The following CELF2 variants were observed in gnomAD, a reference collection of about 807,000 sequenced individuals.
CELF2 encodes CUGBP Elav-like family member 2.
CELF2 carries 8 observed loss-of-function variants against 62.6 expected under a neutral mutation model. The observed-to-expected ratio is 0.13, with a 90% CI of 0.07 to 0.23. CELF2 has a LOEUF of 0.23. Ranked by LOEUF, CELF2 falls within the 10% of genes least tolerant of loss-of-function variation. The probability of loss-of-function intolerance (pLI) is 1.00; values close to 1 mark genes in which losing one functional copy is unlikely to be tolerated. For missense variants in CELF2, 333 were observed against 671.0 expected (o/e 0.50, Z 5.56); for synonymous variants, 258 against 250.0 (o/e 1.03, Z -0.30).
chr10:10,573,553 A>C, the CELF2 span, among the ~76,000 whole-genome samples: 1 of 152,186 alleles, frequency 6.6e-6, no homozygotes, highest in African/African-American at 2.4e-5. Context: ...TCTTTTTCTC[A>C]AGAAGTTTCC....
Position 11,242,967 on chromosome 10 carries a change from A to T in CELF2, c.355-6186A>T, listed in dbSNP as rs2074428593. On this transcript the variant is annotated intron_variant, in intron 3 of 12. Coordinates refer to ENST00000633077, the MANE Select transcript of CELF2 (RefSeq NM_001326342.2). This position sits in a 1 kb window ranked among gnomAD's most constrained non-coding sequence, Gnocchi z 4.8. The stretch of plus-strand genomic sequence containing the variant: ...ACTGGTGCTGGGTCAGAACCAAACC[A>T]CTGCGTGCTGTCGTGGGTGCAGAAG... Among the ~76,000 whole-genome samples, 1 of 152,168 alleles carries T rather than the reference A, an allele frequency of 6.6e-6. No homozygotes were observed. The highest frequency in any genetic ancestry group is 2.4e-5 in the African/African-American group (1 of 41,426).
At chr10:11,304,504 T>C (rs1184932248) in intron 9 of CELF2, among the ~76,000 whole-genome samples, 1 of 152,222 alleles carries the variant, frequency 6.6e-6, no homozygotes, top group African/African-American at 2.4e-5. Flanking sequence ...GTGCATCTGG[T>C]GAGGGCCTTC....
At chr10:11,263,255 A>G (rs2081254702) in intron 5 of CELF2, among the ~76,000 whole-genome samples, 1 of 152,062 alleles carries the variant, frequency 6.6e-6, no homozygotes, top group Non-Finnish European at 1.5e-5. Flanking sequence ...AATTCGTAAC[A>G]TTCTGAAAGT....
rs1414029691 is a variant in CELF2 at position 11,197,037 on chromosome 10, G to GA, written c.272-20385dup. Among the ~76,000 whole-genome samples, 7 of 25,082 alleles carry GA rather than the reference G, an allele frequency of 2.8e-4. 3 individuals are homozygous for GA. The highest frequency in any genetic ancestry group is 9.0e-4 in the African/African-American group (3 of 3,316). 16.5% of individuals were successfully genotyped at this position (25,082 alleles called of 152,430 possible). ...GAAAGAAAGAAAGAAAAGAAAGAAA[G>GA]AAAGAAAGAAAGAAAGAAAGAAAAG... On this transcript the variant is annotated intron_variant, in intron 2 of 12. Coordinates refer to ENST00000633077, the MANE Select transcript of CELF2 (RefSeq NM_001326342.2).
the CELF2 span, among the ~76,000 whole-genome samples, chr10:10,790,336 G>T: frequency 1.3e-5 from 2 of 151,958 alleles, no homozygotes; most frequent in Non-Finnish European, 2.9e-5. Context: ...TTTACCCCTT[G>T]GGAATGTCTC....
Position 10,994,933 on chromosome 10 carries a change from A to G in CELF2, c.89+74934A>G, listed in dbSNP as rs143156986. Among the ~76,000 whole-genome samples the G allele has an allele frequency of 5.3e-5, 8 of 152,046 alleles. No individual in the cohort carries two copies. In the East Asian group the frequency reaches 1.5e-3, roughly 29 times the overall value. On this transcript the variant is annotated intron_variant, in intron 2 of 13. Coordinates refer to the CELF2 transcript ENST00000636488. The stretch of plus-strand genomic sequence containing the variant: ...CAGGGCTATCTCACACTTTCCCTCC[A>G]TGTCCTACCCCAGTGAAGGCACACC...
At chr10:10,485,287 G>C in the CELF2 span, among the ~76,000 whole-genome samples, 1 of 152,172 alleles carries the variant, frequency 6.6e-6, no homozygotes, top group Non-Finnish European at 1.5e-5. Flanking sequence ...ATCGTCCAGA[G>C]GTGACAGGTG....
chr10:10,790,896 G>A, the CELF2 span, among the ~76,000 whole-genome samples: 1 of 152,170 alleles, frequency 6.6e-6, no homozygotes, highest in East Asian at 1.9e-4. Context: ...GGACTCTCAA[G>A]CTAGATCACC....
At chr10:10,702,935 AT>A in the CELF2 span, among the ~76,000 whole-genome samples, 11 of 152,046 alleles carry the variant, frequency 7.2e-5, no homozygotes, top group Non-Finnish European at 1.3e-4. Context: ...TTTATCTAAG[AT>A]TTTTCCCCCT....
chr10:10,804,172 A>G (rs567570575), intron 1 of CELF2, among the ~76,000 whole-genome samples: 22 of 152,344 alleles, frequency 1.4e-4, no homozygotes, highest in African/African-American at 5.3e-4. Flanking sequence ...GATGTTGACA[A>G]ATTTCTTCAT....
rs1301982564 is a variant in CELF2, at chr10:11,012,441, C to G, written c.53+7001C>G. Among the ~76,000 whole-genome samples the G allele has an allele frequency of 6.6e-6, 1 of 152,182 alleles. No individual in the cohort carries two copies. Among genetic ancestry groups the G allele is most frequent in the Non-Finnish European group, 1.5e-5 (1 of 68,034 alleles). ...ATTCAGGCACATGGGCTGTCATGCC[C>G]AGAGAGATTCCCTCTGAAGTAGAGA... On this transcript the variant is annotated intron_variant, in intron 1 of 12. Coordinates refer to the CELF2 transcript ENST00000416382. This position sits in a 1 kb window ranked among gnomAD's most constrained non-coding sequence, Gnocchi z 5.5.
intron 1 of CELF2, among the ~76,000 whole-genome samples, chr10:10,900,360 G>A (rs1456495746): frequency 6.6e-6 from 1 of 152,168 alleles, no homozygotes; most frequent in Non-Finnish European, 1.5e-5. Context: ...ACAATTTATA[G>A]AAAGTGACAT....
chr10:10,790,069 T>C, the CELF2 span, among the ~76,000 whole-genome samples: 2 of 152,000 alleles, frequency 1.3e-5, no homozygotes, highest in Non-Finnish European at 2.9e-5. Flanking sequence ...TATTTAACTT[T>C]TCTGTCTGTT....
At chr10:10,839,131 G>A (rs369632927) in intron 1 of CELF2, among the ~76,000 whole-genome samples, 5 of 152,164 alleles carry the variant, frequency 3.3e-5, no homozygotes, top group Non-Finnish European at 5.9e-5. Context: ...GAGCGACAGA[G>A]CAAGACTCAT....
chr10:11,085,202 GT>G (rs1564668878), intron 1 of CELF2, among the ~76,000 whole-genome samples: 10 of 152,158 alleles, frequency 6.6e-5, no homozygotes, highest in Non-Finnish European at 1.5e-4. Flanking sequence ...AGATACTGTC[GT>G]TGAAGACATT....
chr10:11,168,142 T>A (rs2067774993), intron 2 of CELF2, among the ~76,000 whole-genome samples: 1 of 152,172 alleles, frequency 6.6e-6, no homozygotes, highest in Non-Finnish European at 1.5e-5. Flanking sequence ...TTGTGTTTAG[T>A]TTTTATACTC....
chr10:10,666,837 G>C, the CELF2 span, among the ~76,000 whole-genome samples: 2 of 73,022 alleles, frequency 2.7e-5, 1 homozygote, highest in African/African-American at 1.4e-4. Context: ...ACTCCAGCCT[G>C]GGCGACAGAG....
the CELF2 span, among the ~76,000 whole-genome samples, chr10:10,684,416 G>C: frequency 6.6e-6 from 1 of 152,158 alleles, no homozygotes; most frequent in African/African-American, 2.4e-5. Flanking sequence ...GATTTCCATT[G>C]CCAGAAGGTT....
the CELF2 span, among the ~76,000 whole-genome samples, chr10:10,523,044 T>A: frequency 6.6e-6 from 1 of 152,256 alleles, no homozygotes; most frequent in Non-Finnish European, 1.5e-5. Flanking sequence ...AAAAGTAAGG[T>A]TTGATTCTGG....
Sources: gnomAD v4.1 joint callset for allele counts (sites outside exome capture counted in the v4.1 genomes callset) on GRCh38, gnomAD v4.1.1 for gene constraint, Gnocchi (gnomAD v3.1) non-coding constraint, MANE v1.5 for transcripts, NCBI Gene and HGNC (gene_info 2026-07-23, HGNC 2026-07-21) for gene names.